Variants in ARHGEF4 observed in about 807,000 individuals in gnomAD.
ARHGEF4 encodes the protein APC-stimulated guanine nucleotide exchange factor 1.
Under a neutral mutation model 162.0 loss-of-function variants are expected in ARHGEF4, and 119 were observed. The observed-to-expected ratio is 0.73, with a 90% CI of 0.63 to 0.86. ARHGEF4 has a LOEUF of 0.86. Among genes scored for constraint, ARHGEF4 ranks in the 40% least tolerant of loss-of-function variants. The pLI is 0.00. For missense variants in ARHGEF4, 2,488 were observed against 2,456.0 expected, an observed-to-expected ratio of 1.01 and a Z score of -0.28; for synonymous variants, 1,014 against 979.9, an observed-to-expected ratio of 1.03 and a Z score of -0.65.
intron 5 of ARHGEF4, among the ~76,000 whole-genome samples, chr2:131,032,853 T>TTC (rs1553444504): frequency 2.1e-4 from 27 of 126,458 alleles, no homozygotes; most frequent in African/African-American, 8.8e-4. Context: ...TTTTTCTTTT[T>TTC]TTTTTTTTTT....
At chr2:130,939,861 G>A (rs1261806151) in intron 3 of ARHGEF4, among the ~76,000 whole-genome samples, 1 of 152,098 alleles carries the variant, frequency 6.6e-6, no homozygotes, top group Non-Finnish European at 1.5e-5. Flanking sequence ...CAAATATTGT[G>A]TTTTAAATTT....
chr2:131,018,403 T>C (rs1340292406), intron 4 of ARHGEF4, among the ~76,000 whole-genome samples: 1 of 152,222 alleles, frequency 6.6e-6, no homozygotes, highest in Non-Finnish European at 1.5e-5. Flanking sequence ...TCTATTCAAA[T>C]CCTTTGCCTA....
intron 4 of ARHGEF4, among the ~76,000 whole-genome samples, chr2:131,013,205 C>T (rs2105336804): frequency 6.6e-6 from 1 of 152,296 alleles, no homozygotes; most frequent in Non-Finnish European, 1.5e-5. Context: ...AGGTGCCCAG[C>T]TCTCACCAGC....
At chr2:131,002,962 C>G (rs12476480) in intron 4 of ARHGEF4, among the ~76,000 whole-genome samples, 1 of 152,124 alleles carries the variant, frequency 6.6e-6, no homozygotes. Flanking sequence ...ACAGGGATGG[C>G]TTTTAATTAC....
chr2:130,916,907 C>G lies in ARHGEF4; in HGVS notation c.2961C>G (p.His987Gln). The G allele has an allele frequency of 6.4e-7, 1 of 1,550,598 alleles. No homozygotes were observed. Among genetic ancestry groups the G allele is most frequent in the Admixed American group, 2.0e-5 (1 of 50,988 alleles). ...TCTCCCCAGCAGAGACCGACAGCCA[C>G]TGTGAGGAACGGGCGGAGGACAAAG... Reference protein sequence around the residue: ...EVLSPAETDSHCEERAEDKEG... With the variant: ...EVLSPAETDSQCEERAEDKEG... Residue 987 changes from histidine to glutamine, a missense_variant, in exon 2 of 14, where the codon CAC becomes CAG. By Grantham distance (24) the His-to-Gln change is conservative. This residue lies in a region of ARHGEF4 where 1,642 missense variants were observed against 1,481.5 expected (regional missense o/e 1.11). Coordinates refer to ENST00000409359, the MANE Select transcript of ARHGEF4 (RefSeq NM_001367493.1).
In ARHGEF4 at chr2:130,916,503, G is replaced by T; in HGVS notation, c.2557G>T (p.Ala853Ser). 1.3e-6 allele frequency: 2 copies of T among 1,548,240 alleles called. No homozygotes were observed. The highest frequency in any genetic ancestry group is 1.7e-6 in the Non-Finnish European group (2 of 1,146,706). Residue 853 changes from alanine to serine, a missense_variant, in exon 2 of 14, where the codon GCC (alanine) becomes TCC (serine). By Grantham distance (99) the Ala-to-Ser change is moderately conservative. Around this residue, in one of 6 missense-constraint regions of ARHGEF4, gnomAD observed 1,642 missense variants for 1,481.5 expected, o/e 1.11. Coordinates refer to ENST00000409359, the MANE Select transcript of ARHGEF4 (RefSeq NM_001367493.1). ...RDAPPLHHGD[A>S]SAWPEFVPQA... ...CGCACCGCCTCTGCACCACGGGGAC[G>T]CCAGCGCCTGGCCCGAGTTTGTCCC...
At chr2:130,893,095 T>C (rs942855421) in intron 1 of ARHGEF4, among the ~76,000 whole-genome samples, 3 of 152,222 alleles carry the variant, frequency 2.0e-5, no homozygotes, top group Admixed American at 6.5e-5. Context: ...TAATCTCACC[T>C]TTCCTGGTCA....
In ARHGEF4 at chr2:131,040,393, C is replaced by T; in HGVS notation, c.4615C>T (p.Arg1539Cys). Residue 1539 changes from arginine to cysteine, a missense_variant, in exon 8 of 14, where the codon CGC becomes TGC. This residue lies in a region of ARHGEF4 where 415 missense variants were observed against 512.4 expected (regional missense o/e 0.81). Coordinates refer to ENST00000409359, the MANE Select transcript of ARHGEF4 (RefSeq NM_001367493.1). ...GAAGGCCCTGGAGCAGAGGTTCAACCGCGAGCGCCCACACCTGAGCGAGCT... is the reference window on the plus strand; with the variant it reads ...GAAGGCCCTGGAGCAGAGGTTCAACTGCGAGCGCCCACACCTGAGCGAGCT... ...FVKALEQRFN[R>C]ERPHLSELGA... The T allele has an allele frequency of 1.2e-6, 2 of 1,608,140 alleles. No individual in the cohort carries two copies. The highest frequency in any genetic ancestry group is 1.7e-6 in the Non-Finnish European group (2 of 1,177,784).
At chr2:130,948,644 C>T (rs13022289) in intron 4 of ARHGEF4, among the ~76,000 whole-genome samples, 78,985 of 152,224 alleles carry the variant, frequency 0.52, 24,710 homozygotes, top group Non-Finnish European at 0.66. Context: ...CCACCAGTGA[C>T]ATCCAGCATG....
At chr2:131,007,107 T>C (rs1332780796) in intron 4 of ARHGEF4, among the ~76,000 whole-genome samples, 1 of 152,244 alleles carries the variant, frequency 6.6e-6, no homozygotes, top group Non-Finnish European at 1.5e-5. Flanking sequence ...GCGTTTGTCA[T>C]GGAGACTGCT....
At chr2:131,007,800 C>CTTTT (rs70994731) in intron 4 of ARHGEF4, among the ~76,000 whole-genome samples, 1,200 of 56,122 alleles carry the variant, frequency 0.021, 12 homozygotes, top group Middle Eastern at 0.025. Context: ...CTTTTCTTTT[C>CTTTT]TTTTTTTTTT....
At chr2:131,035,050 C>T (rs1431433984) in intron 5 of ARHGEF4, 2 of 996,794 alleles carry the variant, frequency 2.0e-6, no homozygotes, top group African/African-American at 1.8e-5. Context: ...CGGCCCTGTG[C>T]GGCGGGATCT....
intron 4 of ARHGEF4, among the ~76,000 whole-genome samples, chr2:130,958,123 G>A (rs932376563): frequency 2.0e-5 from 3 of 152,006 alleles, no homozygotes; most frequent in African/African-American, 4.8e-5. Context: ...AGTAACAGAC[G>A]GCTTCCTGAC....
At chr2:130,879,126 G>A (rs1384158123) in intron 1 of ARHGEF4, among the ~76,000 whole-genome samples, 1 of 152,182 alleles carries the variant, frequency 6.6e-6, no homozygotes, top group Non-Finnish European at 1.5e-5. Context: ...AGTCCAGGAG[G>A]GAGGGAGTGA....
At chr2:130,934,038 G>A (rs1200021354) in intron 3 of ARHGEF4, among the ~76,000 whole-genome samples, 1 of 152,142 alleles carries the variant, frequency 6.6e-6, no homozygotes, top group Non-Finnish European at 1.5e-5. Flanking sequence ...TTTCACTATT[G>A]TGTATGATGT....
chr2:131,033,002 G>A (rs1302803854), intron 5 of ARHGEF4, among the ~76,000 whole-genome samples: 1 of 151,656 alleles, frequency 6.6e-6, no homozygotes, highest in African/African-American at 2.4e-5. Context: ...ACAGGCACAT[G>A]CCGCCACTCC....
At chr2:131,045,985 G>A in intron 13 of ARHGEF4, 53 bp from the exon 14 acceptor site, 9 of 1,570,764 alleles carry the variant, frequency 5.7e-6, no homozygotes, top group Non-Finnish European at 6.1e-6. Context: ...CAACAGCTGG[G>A]GTGGCACTCT....
intron 1 of ARHGEF4, among the ~76,000 whole-genome samples, chr2:130,871,706 C>T (rs537303171): frequency 1.1e-3 from 161 of 152,172 alleles, no homozygotes; most frequent in African/African-American, 3.6e-3. Context: ...TCTTCCAAAT[C>T]CTGTGGACAC....
chr2:130,960,610 A>G (rs1452754781), intron 4 of ARHGEF4, among the ~76,000 whole-genome samples: 1 of 152,198 alleles, frequency 6.6e-6, no homozygotes, highest in Non-Finnish European at 1.5e-5. Flanking sequence ...ATGTACCTAA[A>G]TGATTATTTA....
Sources: gnomAD v4.1 joint callset for allele counts (sites outside exome capture counted in the v4.1 genomes callset) on GRCh38, gnomAD v4.1.1 for gene constraint, gnomAD v4.1.1 regional missense constraint, MANE v1.5 for transcripts, NCBI Gene and HGNC (gene_info 2026-07-23, HGNC 2026-07-21) for gene names.